PPP3CC: variants seen among roughly 807,000 people sequenced by gnomAD.
The protein encoded by PPP3CC is serine/threonine-protein phosphatase 2B catalytic subunit gamma isoform.
PPP3CC carries 35 observed loss-of-function variants against 60.3 expected under a neutral mutation model. The ratio of observed to expected loss-of-function variants is 0.58; its 90% CI spans 0.44 to 0.77. PPP3CC has a LOEUF of 0.77. PPP3CC is among the 30% of genes least tolerant of loss of function. The probability of loss-of-function intolerance (pLI) is 0.00; values close to 1 mark genes in which losing one functional copy is unlikely to be tolerated. For synonymous variants in PPP3CC, 206 were observed against 224.3 expected, an observed-to-expected ratio of 0.92 and a Z score of 0.73; for missense variants, 570 against 628.9, an observed-to-expected ratio of 0.91 and a Z score of 1.00.
At chr8:22,479,212 T>C (rs994639254) in intron 3 of PPP3CC, among the ~76,000 whole-genome samples, 3 of 151,698 alleles carry the variant, frequency 2.0e-5, no homozygotes, top group Admixed American at 6.6e-5. Context: ...GGAATTCTTA[T>C]TAAAATTTTT....
Position 22,475,122 on chromosome 8 carries a change from C to T in PPP3CC, c.218C>T (p.Thr73Ile). 2 of 1,612,446 alleles carry T rather than the reference C, an allele frequency of 1.2e-6. No homozygotes were observed. The highest frequency in any genetic ancestry group is 1.7e-6 in the Non-Finnish European group (2 of 1,178,972). ...GCTGCCATCCTGAGGCAAGAGAAGA[C>T]TATGATAGAAGTAGATGCTCCAATC... ...DGAAILRQEK[T>I]MIEVDAPITV... Residue 73 changes from threonine (T) to isoleucine (I), a missense_variant, in exon 2 of 14, where the codon ACT (threonine) becomes ATT (isoleucine). Coordinates refer to ENST00000240139, the MANE Select transcript of PPP3CC (RefSeq NM_005605.5).
At position 22,528,583 on chromosome 8, in the gene PPP3CC, CT is replaced by C; in HGVS notation, c.1141+10del. On this transcript the variant is annotated splice_region_variant and intron_variant, in intron 10 of 13. Coordinates refer to ENST00000240139, the MANE Select transcript of PPP3CC (RefSeq NM_005605.5). Reference sequence around the variant, plus strand: ...TTCTGATGATGAAGCAGAAGGTAAACTTTTCCTCCTTTGAACTAAAACTAGA... The same window carrying C: ...TTCTGATGATGAAGCAGAAGGTAAACTTTCCTCCTTTGAACTAAAACTAGA... The C allele has an allele frequency of 2.6e-6, 4 of 1,521,546 alleles. No homozygotes were observed. The highest frequency in any genetic ancestry group is 3.6e-6 in the Non-Finnish European group (4 of 1,126,428). The allele number at this position is 1,521,546 out of a possible 1,614,324, so 94.3% of individuals were successfully genotyped here.
intron 12 of PPP3CC, among the ~76,000 whole-genome samples, chr8:22,537,996 G>A (rs1482337): frequency 0.52 from 79,242 of 152,052 alleles, 21,383 homozygotes; most frequent in African/African-American, 0.68. Context: ...TGGTTGCACA[G>A]CTCTACTATA....
intron 3 of PPP3CC, among the ~76,000 whole-genome samples, chr8:22,491,428 C>T (rs1300723377): frequency 6.6e-6 from 1 of 152,128 alleles, no homozygotes; most frequent in Non-Finnish European, 1.5e-5. Flanking sequence ...TCTCTAATTA[C>T]TGATGAAATT....
intron 1 of PPP3CC, among the ~76,000 whole-genome samples, chr8:22,470,017 A>G (rs1837668743): frequency 6.6e-6 from 1 of 151,362 alleles, no homozygotes; most frequent in African/African-American, 2.4e-5. Flanking sequence ...TATATATGAT[A>G]TGGGTGATAT....
At chr8:22,533,990 C>T (rs1018162398) in intron 12 of PPP3CC, among the ~76,000 whole-genome samples, 3 of 150,674 alleles carry the variant, frequency 2.0e-5, no homozygotes, top group East Asian at 3.9e-4. Flanking sequence ...CTTGAGGCCA[C>T]GAGTTCAAGA....
At chr8:22,458,459 G>A (rs977489974) in intron 1 of PPP3CC, among the ~76,000 whole-genome samples, 10 of 151,904 alleles carry the variant, frequency 6.6e-5, no homozygotes, top group East Asian at 1.9e-4. Flanking sequence ...TTAGCTGGCC[G>A]TGGTGGTTCT....
At chr8:22,457,523 C>T (rs1837239766) in intron 1 of PPP3CC, among the ~76,000 whole-genome samples, 1 of 151,420 alleles carries the variant, frequency 6.6e-6, no homozygotes, top group Non-Finnish European at 1.5e-5. Flanking sequence ...GGCCAGGCTG[C>T]TCTTGAACTC....
At chr8:22,453,520 A>G (rs1245040103) in intron 1 of PPP3CC, among the ~76,000 whole-genome samples, 1 of 152,192 alleles carries the variant, frequency 6.6e-6, no homozygotes, top group Non-Finnish European at 1.5e-5. Flanking sequence ...GGCCCTGTGG[A>G]ACCTGAGAAT....
intron 1 of PPP3CC, among the ~76,000 whole-genome samples, chr8:22,461,991 T>C (rs754822450): frequency 6.6e-6 from 1 of 152,144 alleles, no homozygotes; most frequent in Non-Finnish European, 1.5e-5. Context: ...TCCCAGTGCA[T>C]TGGGAGTCTA....
At chr8:22,499,388 G>A (rs1586837018) in intron 4 of PPP3CC, among the ~76,000 whole-genome samples, 1 of 150,084 alleles carries the variant, frequency 6.7e-6, no homozygotes, top group African/African-American at 2.5e-5. Context: ...GCAGTGAGCC[G>A]AGATTGCGCC....
intron 1 of PPP3CC, among the ~76,000 whole-genome samples, chr8:22,447,832 G>A (rs1480775978): frequency 3.3e-5 from 5 of 152,060 alleles, no homozygotes; most frequent in African/African-American, 4.8e-5. Context: ...TTGAGTCTTC[G>A]TTTGTTGTTT....
chr8:22,457,835 T>A (rs1837251467), intron 1 of PPP3CC, among the ~76,000 whole-genome samples: 1 of 152,262 alleles, frequency 6.6e-6, no homozygotes, highest in African/African-American at 2.4e-5. Context: ...CTTACGCCTG[T>A]AATCCCAGCA....
chr8:22,441,356 G>T lies in PPP3CC; in HGVS notation c.-54G>T. The T allele has an allele frequency of 6.7e-7, 1 of 1,502,056 alleles. No homozygotes were observed. Among genetic ancestry groups the T allele is most frequent in the East Asian group, 2.7e-5 (1 of 36,728 alleles). The allele number at this position is 1,502,056 out of a possible 1,614,324, so 93.0% of individuals were successfully genotyped here. A position where few individuals can be genotyped will look rare whatever the true frequency, so the allele number is the denominator to read the frequency against. On this transcript the variant is annotated 5_prime_UTR_variant, in exon 1 of 14. Coordinates refer to ENST00000240139, the MANE Select transcript of PPP3CC (RefSeq NM_005605.5). ...TGCCCGAGGAGAAGGCGGCGGCCGC[G>T]GCGTAGGCGCACGTCCGGCGGGCTC...
chr8:22,472,907 G>A (rs1053360152), intron 1 of PPP3CC, among the ~76,000 whole-genome samples: 3 of 151,946 alleles, frequency 2.0e-5, no homozygotes, highest in Non-Finnish European at 4.4e-5. Flanking sequence ...TGTTATTGTG[G>A]CTATAACGTT....
At chr8:22,463,665 C>T (rs991071390) in intron 1 of PPP3CC, among the ~76,000 whole-genome samples, 5 of 152,268 alleles carry the variant, frequency 3.3e-5, no homozygotes, top group South Asian at 2.1e-4. Flanking sequence ...GTCTCTAGGA[C>T]TTTCTTTCAT....
intron 1 of PPP3CC, among the ~76,000 whole-genome samples, chr8:22,466,595 A>C (rs935869385): frequency 6.6e-6 from 1 of 152,182 alleles, no homozygotes; most frequent in Admixed American, 6.5e-5. Flanking sequence ...GCATTTTTGC[A>C]TATGTCTGTT....
At chr8:22,465,563 G>T (rs1001138969) in intron 1 of PPP3CC, among the ~76,000 whole-genome samples, 7 of 152,166 alleles carry the variant, frequency 4.6e-5, no homozygotes, top group African/African-American at 1.7e-4. Flanking sequence ...TTATAAAAGG[G>T]CTTAAGGCTG....
rs547496630 is a variant in PPP3CC at position 22,511,155 on chromosome 8, C to T, written c.554C>T (p.Ala185Val). The T allele has an allele frequency of 1.2e-6, 2 of 1,613,552 alleles. No homozygotes were observed. The highest frequency in any genetic ancestry group is 1.1e-5 in the South Asian group (1 of 91,070). Residue 185 changes from alanine to valine, a missense_variant, in exon 5 of 14, where the codon GCC (alanine) becomes GTC (valine). Transcript: ENST00000240139. ...ACATTTGACTGTCTTCCTCTTGCTG[C>T]CCTCTTAAACCAGCAGTTTCTCTGT... The part of the protein sequence containing the change: ...METFDCLPLA[A>V]LLNQQFLCVH...
Sources: gnomAD v4.1 joint callset for allele counts (sites outside exome capture counted in the v4.1 genomes callset) on GRCh38, gnomAD v4.1.1 for gene constraint, MANE v1.5 for transcripts, NCBI Gene and HGNC (gene_info 2026-07-23, HGNC 2026-07-21) for gene names.